The following DHRS9 variants were observed in gnomAD, a reference collection of about 807,000 sequenced individuals.
DHRS9 encodes the protein dehydrogenase/reductase SDR family member 9.
Under a neutral mutation model 26.6 loss-of-function variants are expected in DHRS9, and 18 were observed. The observed-to-expected ratio is 0.68, with a 90% CI of 0.47 to 1.00. The LOEUF is 1.00. DHRS9 is among the 50% of genes least tolerant of loss of function. DHRS9 has a pLI of 0.00. For missense variants in DHRS9, 425 were observed against 378.7 expected (o/e 1.12, Z -1.01); for synonymous variants, 134 against 141.1 (o/e 0.95, Z 0.36).
rs1553480614 is a variant in DHRS9, at chr2:169,093,343, C to CACACACACAT, written c.736+1390_736+1391insACACACACAT. Among the ~76,000 whole-genome samples, 449 of 151,314 alleles carry CACACACACAT rather than the reference C, an allele frequency of 3.0e-3. 2 individuals carry two copies. The highest frequency in any genetic ancestry group is 0.01 in the African/African-American group (430 of 41,070). On this transcript the variant is annotated intron_variant, in intron 4 of 4. Transcript: ENST00000674881. ...CACCATTACCCTAAACACACACACA[C>CACACACACAT]GCACACACACACACATGCACACACA...
upstream of DHRS9, chr2:169,067,193 C>T (rs1242670911): frequency 1.3e-6 from 2 of 1,535,640 alleles, no homozygotes; most frequent in Admixed American, 2.0e-5. Flanking sequence ...ACCAGCCTCA[C>T]CCTCCTGGTC....
chr2:169,076,141 T>A (rs995289928), intron 1 of DHRS9, among the ~76,000 whole-genome samples: 4 of 152,158 alleles, frequency 2.6e-5, no homozygotes, highest in African/African-American at 9.7e-5. Flanking sequence ...AGGAAAAATT[T>A]CCATTTATCC....
intron 1 of DHRS9, chr2:169,070,491 C>A: frequency 1.0e-6 from 1 of 985,448 alleles, no homozygotes; most frequent in African/African-American, 1.7e-5. Flanking sequence ...ACCAAGGGCA[C>A]AGATTGTGCT....
chr2:169,069,159 G>A (rs566992649), upstream of DHRS9, among the ~76,000 whole-genome samples: 1 of 152,166 alleles, frequency 6.6e-6, no homozygotes, highest in Admixed American at 6.5e-5. Context: ...CAATCTCAGA[G>A]ACTGATTTCT....
At position 169,077,716 on chromosome 2, in the gene DHRS9, A is replaced by G. The variant is rs1484427808; in HGVS notation, c.-59-3807A>G. Among the ~76,000 whole-genome samples, 4 of 152,242 alleles carry G rather than the reference A, an allele frequency of 2.6e-5. No homozygotes were observed. In the East Asian group the frequency reaches 5.8e-4, roughly 22 times the overall value. On this transcript the variant is annotated intron_variant, in intron 1 of 4. Coordinates refer to ENST00000674881, the MANE Select transcript of DHRS9 (RefSeq NM_001376924.1). ...GCACCCTTTTGTCTGAGAAGCTTTC[A>G]TAGATGCCCAAATCATCCATCCAAC... is the stretch of plus-strand genomic sequence containing the variant.
chr2:169,081,784 C>A lies in DHRS9; in HGVS notation c.203C>A (p.Ala68Asp). The A allele has an allele frequency of 6.2e-7, 1 of 1,614,126 alleles. No homozygotes were observed. The highest frequency in any genetic ancestry group is 2.2e-5 in the East Asian group (1 of 44,882). Residue 68 changes from alanine to aspartate, a missense_variant, in exon 2 of 5, where the codon GCT (alanine) becomes GAT (aspartate). Transcript: ENST00000674881. ...TGTCTGACTGAATCAGGATCAACAG[C>A]TTTAAAGGCAGAAACCTCAGAGAGA... ...AACLTESGST[A>D]LKAETSERLR...
upstream of DHRS9, chr2:169,067,082 A>C (rs1683664240): frequency 6.6e-7 from 1 of 1,522,526 alleles, no homozygotes; most frequent in East Asian, 2.5e-5. Context: ...TCTTCATAGC[A>C]GCTTATAGTC....
At chr2:169,080,531 C>A (rs1684150132) in intron 1 of DHRS9, among the ~76,000 whole-genome samples, 1 of 152,170 alleles carries the variant, frequency 6.6e-6, no homozygotes, top group African/African-American at 2.4e-5. Flanking sequence ...GGATGGCTTG[C>A]TTTTCTCTGG....
chr2:169,091,811 TGTGCAC>T lies in DHRS9; in HGVS notation c.597_602del (p.His200_Val201del), dbSNP rs1684536549. 2.5e-6 allele frequency: 4 copies of T among 1,612,514 alleles called. No individual in the cohort carries two copies. The highest frequency in any genetic ancestry group is 3.4e-6 in the Non-Finnish European group (4 of 1,179,038). Reference sequence around the variant, plus strand: ...ACAGACGGGACATGAAAGCTTTTGGTGTGCACGTCTCATGCATTGAACCAGGATTGT... The same window carrying T: ...ACAGACGGGACATGAAAGCTTTTGGTGTCTCATGCATTGAACCAGGATTGT... On this transcript the variant is annotated inframe_deletion, in exon 4 of 5. Coordinates refer to ENST00000674881, the MANE Select transcript of DHRS9 (RefSeq NM_001376924.1).
At chr2:169,071,510 T>C (rs1683802902) in intron 1 of DHRS9, among the ~76,000 whole-genome samples, 1 of 152,182 alleles carries the variant, frequency 6.6e-6, no homozygotes, top group African/African-American at 2.4e-5. Flanking sequence ...TTGAGGCAGT[T>C]GGTACACCTC....
Position 169,083,591 on chromosome 2 carries a change from A to G in DHRS9, c.572+4A>G. 1 of 1,611,984 alleles carries G rather than the reference A, an allele frequency of 6.2e-7. No homozygotes were observed. Among genetic ancestry groups the G allele is most frequent in the Non-Finnish European group, 8.5e-7 (1 of 1,178,468 alleles). ...AAGGTTTCAATGACAGCTTAAGGTA[A>G]ATCAAATTAATCAACTTATTAGGAA... On this transcript the variant is annotated splice_donor_region_variant and intron_variant, in intron 3 of 4. Coordinates refer to ENST00000674881, the MANE Select transcript of DHRS9 (RefSeq NM_001376924.1).
In DHRS9 at chr2:169,070,803, G is replaced by T. The variant is rs905877368; in HGVS notation, c.-60+1086G>T. The stretch of plus-strand genomic sequence containing the variant: ...TACCTGGCCGGGCGCGGTGGCTCAT[G>T]CCTGTAATCCCAGCACTTTGGGAGG... On this transcript the variant is annotated intron_variant, in intron 1 of 4. Transcript: ENST00000674881. The T allele has an allele frequency of 8.2e-6, 8 of 972,068 alleles. No homozygotes were observed. The African/African-American group carries it at 1.4e-4, about 17-fold the overall frequency. 60.2% of individuals were successfully genotyped at this position (972,068 alleles called of 1,614,324 possible).
intron 3 of DHRS9, among the ~76,000 whole-genome samples, chr2:169,089,723 T>C (rs1001259331): frequency 6.6e-6 from 1 of 152,202 alleles, no homozygotes; most frequent in African/African-American, 2.4e-5. Flanking sequence ...TCCTAGGAAA[T>C]AAGCACAAAA....
intron 1 of DHRS9, among the ~76,000 whole-genome samples, chr2:169,077,533 G>A (rs1216213095): frequency 6.6e-6 from 1 of 151,762 alleles, no homozygotes; most frequent in Non-Finnish European, 1.5e-5. Flanking sequence ...AAAATCACAG[G>A]CAATACAAAT....
At chr2:169,074,353 G>C (rs1281442481) in intron 1 of DHRS9, 1 of 985,258 alleles carries the variant, frequency 1.0e-6, no homozygotes, top group African/African-American at 1.7e-5. Context: ...CTGAGGTCTG[G>C]GCTCCTAACT....
chr2:169,091,381 G>A (rs1028073632), intron 3 of DHRS9, among the ~76,000 whole-genome samples: 9 of 152,206 alleles, frequency 5.9e-5, no homozygotes, highest in Admixed American at 2.6e-4. Context: ...CATTTGTGCT[G>A]CAATCTCCTT....
intron 1 of DHRS9, among the ~76,000 whole-genome samples, chr2:169,080,326 T>C (rs1684144450): frequency 6.6e-6 from 1 of 152,164 alleles, no homozygotes; most frequent in African/African-American, 2.4e-5. Flanking sequence ...CTTTAGCCCC[T>C]CTCCCTTCCA....
chr2:169,071,762 TATC>T (rs1188509363), intron 1 of DHRS9, among the ~76,000 whole-genome samples: 1 of 152,186 alleles, frequency 6.6e-6, no homozygotes, highest in Non-Finnish European at 1.5e-5. Flanking sequence ...AACTCAACTA[TATC>T]ATCAGCAGCA....
chr2:169,077,442 G>C (rs969260799), intron 1 of DHRS9, among the ~76,000 whole-genome samples: 1 of 152,140 alleles, frequency 6.6e-6, no homozygotes, highest in African/African-American at 2.4e-5. Context: ...TTTTGAAGTA[G>C]TAATCAGCAT....
Sources: allele counts gnomAD v4.1 joint callset (sites outside exome capture counted in the v4.1 genomes callset), GRCh38; gene constraint gnomAD v4.1.1; transcripts MANE v1.5; gene names NCBI Gene and HGNC (gene_info 2026-07-23, HGNC 2026-07-21).